Variants in PARN observed in about 807,000 individuals in gnomAD.
The protein encoded by PARN is poly(A)-specific ribonuclease.
In PARN, 71 loss-of-function variants were observed where a neutral mutation model predicts 102.8. The observed-to-expected ratio is 0.69, with a 90% CI of 0.57 to 0.84. The LOEUF (loss-of-function observed/expected upper bound fraction) is 0.84, where lower values mean the gene tolerates loss of function less well. PARN is among the 40% of genes least tolerant of loss of function. The pLI is 0.00. For synonymous variants in PARN, 261 were observed against 252.9 expected (o/e 1.03, Z -0.30); for missense variants, 782 against 760.9 (o/e 1.03, Z -0.33).
intron 19 of PARN, among the ~76,000 whole-genome samples, chr16:14,554,890 C>T (rs528120450): frequency 6.6e-6 from 1 of 152,250 alleles, no homozygotes; most frequent in Non-Finnish European, 1.5e-5. Context: ...GTAAGGCAAT[C>T]CCGAGTCATA....
Position 14,582,248 on chromosome 16 carries a change from T to C in PARN, c.1125A>G (p.Gln375=). 2.5e-6 allele frequency: 4 copies of C among 1,613,512 alleles called. No homozygotes were observed. Among genetic ancestry groups the C allele is most frequent in the Non-Finnish European group, 3.4e-6 (4 of 1,179,662 alleles). Residue 375 remains glutamine (Q), a synonymous_variant, in exon 17 of 24, where the codon CAA becomes CAG. Transcript: ENST00000437198. The part of the protein sequence containing the change: ...GFPSYDTASE[Q]LHEAGYDAYI... Reference sequence around the variant, plus strand: ...AGGCATCGTAGCCTGCCTCGTGGAGTTGTTCAGAGGCTGTGTCATAACTTG... The same window carrying C: ...AGGCATCGTAGCCTGCCTCGTGGAGCTGTTCAGAGGCTGTGTCATAACTTG...
intron 21 of PARN, among the ~76,000 whole-genome samples, chr16:14,512,009 A>G (rs1360930545): frequency 6.6e-6 from 1 of 152,232 alleles, no homozygotes; most frequent in Non-Finnish European, 1.5e-5. Flanking sequence ...TCTATAACCT[A>G]CTTCACAAGT....
chr16:14,561,793 G>A (rs1355746094), intron 18 of PARN, among the ~76,000 whole-genome samples: 4 of 152,216 alleles, frequency 2.6e-5, no homozygotes, highest in East Asian at 1.9e-4. Context: ...GGGCAACAGA[G>A]AAAGACCCTG....
intron 5 of PARN, among the ~76,000 whole-genome samples, chr16:14,626,459 C>T (rs1251892739): frequency 1.3e-5 from 2 of 152,114 alleles, no homozygotes; most frequent in South Asian, 2.1e-4. Context: ...AAGAAGCCTG[C>T]AAGTCTTGAT....
At chr16:14,505,951 C>T (rs190510865) in intron 21 of PARN, among the ~76,000 whole-genome samples, 1 of 152,284 alleles carries the variant, frequency 6.6e-6, no homozygotes, top group East Asian at 1.9e-4. Context: ...CAAAGTATTA[C>T]TCACAGAGTA....
intron 23 of PARN, among the ~76,000 whole-genome samples, chr16:14,437,495 AC>A (rs1258058580): frequency 4.6e-5 from 7 of 152,094 alleles, no homozygotes; most frequent in Non-Finnish European, 8.8e-5. Context: ...ACAAAGTTTC[AC>A]CCCAATGTCA....
rs1285449684 is a variant in PARN, at chr16:14,485,748, C to T, written c.1481-2921G>A. Among the ~76,000 whole-genome samples the T allele has an allele frequency of 3.3e-5, 5 of 152,010 alleles. No homozygotes were observed. The East Asian group carries it at 9.7e-4, about 29-fold the overall frequency. ...TGCCGCCTACGCTGGAGTATAGTGG[C>T]GCCATCTAGGCTCATTGCAACCTCC... On this transcript the variant is annotated intron_variant, in intron 21 of 23. Coordinates refer to ENST00000437198, the MANE Select transcript of PARN (RefSeq NM_002582.4).
chr16:14,626,089 T>G (rs192470744), intron 5 of PARN, among the ~76,000 whole-genome samples: 2 of 152,272 alleles, frequency 1.3e-5, no homozygotes, highest in East Asian at 3.9e-4. Flanking sequence ...AGCTCTCTTC[T>G]CCTCAAGAGA....
intron 21 of PARN, among the ~76,000 whole-genome samples, chr16:14,505,480 AAC>A (rs372607658): frequency 7.7e-4 from 115 of 148,992 alleles, no homozygotes; most frequent in East Asian, 2.0e-3. Context: ...CGTCTCTTAA[AAC>A]ACACACACAC....
intron 21 of PARN, among the ~76,000 whole-genome samples, chr16:14,510,781 G>T (rs1468708355): frequency 2.6e-5 from 4 of 152,198 alleles, no homozygotes; most frequent in Admixed American, 6.5e-5. Context: ...ATGTGACATG[G>T]TGTTTTGACT....
chr16:14,564,849 T>C (rs975307461), intron 18 of PARN, among the ~76,000 whole-genome samples: 1 of 152,232 alleles, frequency 6.6e-6, no homozygotes, highest in South Asian at 2.1e-4. Context: ...ACACTTCCGA[T>C]TTCTCAAAAA....
At position 14,436,427 on chromosome 16, in the gene PARN, A is replaced by T; in HGVS notation, c.*290T>A. On this transcript the variant is annotated 3_prime_UTR_variant, in exon 24 of 24. Transcript: ENST00000437198. ...AGGTTCTTAAGCACACTGGGTCATG[A>T]CAGGAAAGGCCTCACAAGAGCAACA... is the stretch of plus-strand genomic sequence containing the variant. The T allele has an allele frequency of 2.1e-6, 1 of 466,480 alleles. No individual in the cohort carries two copies. Among genetic ancestry groups the T allele is most frequent in the East Asian group, 3.6e-5 (1 of 27,758 alleles). 28.9% of individuals were successfully genotyped at this position (466,480 alleles called of 1,614,324 possible).
At chr16:14,563,728 T>C (rs1371657378) in intron 18 of PARN, among the ~76,000 whole-genome samples, 1 of 150,978 alleles carries the variant, frequency 6.6e-6, no homozygotes, top group Non-Finnish European at 1.5e-5. Context: ...TATACAATTA[T>C]ATAACTAGTA....
chr16:14,503,127 G>GCCTTGCTAT (rs1316752792), intron 21 of PARN, among the ~76,000 whole-genome samples: 1 of 152,060 alleles, frequency 6.6e-6, no homozygotes. Flanking sequence ...TGTTTGAGAA[G>GCCTTGCTAT]AACCTCCCCC....
intron 21 of PARN, among the ~76,000 whole-genome samples, chr16:14,538,333 C>T (rs1327141673): frequency 6.6e-6 from 1 of 151,756 alleles, no homozygotes; most frequent in Non-Finnish European, 1.5e-5. Context: ...ACTCTCCTGC[C>T]TCAGCCTCCC....
At position 14,606,475 on chromosome 16, in the gene PARN, T is replaced by C. The variant is rs764870728; in HGVS notation, c.702+9A>G. 2.6e-6 allele frequency: 4 copies of C among 1,526,362 alleles called. No homozygotes were observed. Among genetic ancestry groups the C allele is most frequent in the Admixed American group, 3.6e-5 (2 of 56,262 alleles). The allele number at this position is 1,526,362 out of a possible 1,614,324, so 94.6% of individuals were successfully genotyped here. A position where few individuals can be genotyped will look rare whatever the true frequency, so the allele number is the denominator to read the frequency against. ...TTTAATGTTAGCCCTAGATAATTCT[T>C]GGGGTTACCTTTTCAGTTTCTAAAG... On this transcript the variant is annotated intron_variant, in intron 10 of 23. Transcript: ENST00000437198.
intron 18 of PARN, among the ~76,000 whole-genome samples, chr16:14,567,145 C>T (rs1027966860): frequency 1.3e-5 from 2 of 151,920 alleles, no homozygotes; most frequent in Non-Finnish European, 2.9e-5. Flanking sequence ...GAGCCAAAAA[C>T]GAAATAAACA....
At chr16:14,533,178 C>T (rs1458268173) in intron 21 of PARN, among the ~76,000 whole-genome samples, 2 of 152,094 alleles carry the variant, frequency 1.3e-5, no homozygotes, top group Admixed American at 1.3e-4. Context: ...CCGAGGCTGG[C>T]GGATCACTCG....
intron 18 of PARN, among the ~76,000 whole-genome samples, chr16:14,570,884 C>G (rs902291038): frequency 1.3e-5 from 2 of 150,488 alleles, no homozygotes; most frequent in African/African-American, 4.9e-5. Flanking sequence ...ACTTGGGAGG[C>G]TGAGGCAGAA....
Sources: gnomAD v4.1 joint callset for allele counts (sites outside exome capture counted in the v4.1 genomes callset) on GRCh38, gnomAD v4.1.1 for gene constraint, MANE v1.5 for transcripts, NCBI Gene and HGNC (gene_info 2026-07-23, HGNC 2026-07-21) for gene names.